Variants in PCDHAC1 observed in about 807,000 individuals in gnomAD.
PCDHAC1 encodes protocadherin alpha subfamily C, 1, also known as protocadherin alpha-C1.
Under a neutral mutation model 60.0 loss-of-function variants are expected in PCDHAC1, and 42 were observed. That is an observed-to-expected ratio of 0.70 (90% confidence interval 0.55 to 0.90). The LOEUF (loss-of-function observed/expected upper bound fraction) is 0.90. Ranked by LOEUF, PCDHAC1 falls within the 40% of genes least tolerant of loss-of-function variation. The pLI is 0.00. For synonymous variants in PCDHAC1, 468 were observed against 499.3 expected (o/e 0.94, Z 0.84); for missense variants, 1,160 against 1,222.3 (o/e 0.95, Z 0.76).
At chr5:140,933,863 A>G (rs2089469278) in intron 1 of PCDHAC1, among the ~76,000 whole-genome samples, 1 of 151,666 alleles carries the variant, frequency 6.6e-6, no homozygotes, top group Non-Finnish European at 1.5e-5. Context: ...ATTTTTTCAG[A>G]TATATGTTAG....
chr5:140,949,537 C>T (rs1359504503), intron 1 of PCDHAC1, among the ~76,000 whole-genome samples: 4 of 151,692 alleles, frequency 2.6e-5, no homozygotes, highest in African/African-American at 7.3e-5. Context: ...CATAAAATAT[C>T]GATTTGTTGC....
chr5:140,928,001 A>T lies in PCDHAC1; in HGVS notation c.1109A>T (p.Asp370Val), dbSNP rs1252162846. ...ALFSVKDEDLDSNGRVICGMS... is the reference protein window; with the variant it reads ...ALFSVKDEDLVSNGRVICGMS... ...TTTAGTGTAAAGGATGAAGACCTCG[A>T]TTCTAATGGTAGGGTCATTTGTGGC... Residue 370 changes from aspartate (D) to valine (V), a missense_variant, in exon 1 of 4, where the codon GAT becomes GTT. Asp to Val is a radical substitution (Grantham distance 152). Around this residue, in one of 3 missense-constraint regions of PCDHAC1, gnomAD observed 1,113 missense variants for 1,163.7 expected, o/e 0.96. Coordinates refer to ENST00000253807, the MANE Select transcript of PCDHAC1 (RefSeq NM_018898.5). 6.2e-7 allele frequency: 1 copy of T among 1,614,034 alleles called. No individual in the cohort carries two copies. The highest frequency in any genetic ancestry group is 8.5e-7 in the Non-Finnish European group (1 of 1,180,040).
At chr5:140,965,670 G>A (rs2095922284) in intron 1 of PCDHAC1, among the ~76,000 whole-genome samples, 1 of 152,144 alleles carries the variant, frequency 6.6e-6, no homozygotes, top group Non-Finnish European at 1.5e-5. Flanking sequence ...GGTGATAAAT[G>A]TAAAAGATTT....
chr5:140,927,243 C>A lies in PCDHAC1; in HGVS notation c.351C>A (p.Thr117=). ...AGATTCGGATTCACGTCCTGGACACCAATGACAACTCACCTCTCTTTCCTG... is the reference window on the plus strand; with the variant it reads ...AGATTCGGATTCACGTCCTGGACACAAATGACAACTCACCTCTCTTTCCTG... ...LHKIRIHVLD[T]NDNSPLFPAG... The change falls in exon 1 of 4, where the codon ACC becomes ACA. Residue 117 remains threonine (T), a synonymous_variant. Transcript: ENST00000253807. 6.2e-7 allele frequency: 1 copy of A among 1,614,132 alleles called. No homozygotes were observed.
chr5:140,978,974 G>T lies in PCDHAC1; in HGVS notation c.2459G>T (p.Arg820Leu). ...AMPRQPNPDW[R>L]YSASLRAGMH... is the part of the protein sequence containing the mutation. ...CCACGACAGCCCAACCCTGACTGGC[G>T]TTACTCTGCCTCCCTGAGAGCAGGC... Residue 820 changes from arginine to leucine, a missense_variant, in exon 2 of 4, where the codon CGT becomes CTT. Arg to Leu is a moderately radical substitution (Grantham distance 102, BLOSUM62 -2). Coordinates refer to ENST00000253807, the MANE Select transcript of PCDHAC1 (RefSeq NM_018898.5). 6.2e-7 allele frequency: 1 copy of T among 1,614,130 alleles called. No individual in the cohort carries two copies. Among genetic ancestry groups the T allele is most frequent in the East Asian group, 2.2e-5 (1 of 44,882 alleles).
chr5:140,985,236 C>G (rs1338808702), intron 3 of PCDHAC1, among the ~76,000 whole-genome samples: 1 of 152,184 alleles, frequency 6.6e-6, no homozygotes, highest in Admixed American at 6.5e-5. Context: ...CGCGCCTGGC[C>G]TAATCTTCTT....
At chr5:140,956,147 C>T (rs150480657) in intron 1 of PCDHAC1, among the ~76,000 whole-genome samples, 5,358 of 152,186 alleles carry the variant, frequency 0.035, 121 homozygotes, top group Non-Finnish European at 0.052. Context: ...ATTTCTTTCT[C>T]TTTCCTAATT....
In PCDHAC1 at chr5:140,927,196, G is replaced by A. The variant is rs781932405; in HGVS notation, c.304G>A (p.Glu102Lys). Residue 102 changes from glutamate (E) to lysine (K), a missense_variant, in exon 1 of 4, where the codon GAG becomes AAG. Glu to Lys is a moderately conservative substitution (Grantham distance 56). Around this residue, in one of 3 missense-constraint regions of PCDHAC1, gnomAD observed 1,113 missense variants for 1,163.7 expected, o/e 0.96. Coordinates refer to ENST00000253807, the MANE Select transcript of PCDHAC1 (RefSeq NM_018898.5). ...CGTCTTGACCTACGACCTGGTGCTC[G>A]AGGACCCGCTGGAGCTGCACAAGAT... The part of the protein sequence containing the change: ...ACVLTYDLVL[E>K]DPLELHKIRI... The A allele has an allele frequency of 5.6e-6, 9 of 1,614,028 alleles. No homozygotes were observed. In the South Asian group the frequency reaches 7.7e-5, roughly 14 times the overall value.
Position 141,011,490 on chromosome 5 carries a change from A to T in PCDHAC1, c.*1553A>T, listed in dbSNP as rs2098420792. On this transcript the variant is annotated 3_prime_UTR_variant, in exon 4 of 4. Transcript: ENST00000253807. ...GTAATTCCATTATATTTCCTTTTGT[A>T]CACCTGTGAAAAAGTGGAGTAGTGT... The T allele has an allele frequency of 1.3e-5, 2 of 153,734 alleles. No homozygotes were observed. The highest frequency in any genetic ancestry group is 2.9e-5 in the Non-Finnish European group (2 of 68,036). 9.5% of individuals were successfully genotyped at this position (153,734 alleles called of 1,614,324 possible). A position where few individuals can be genotyped will look rare whatever the true frequency, so the allele number is the denominator to read the frequency against.
chr5:141,010,377 G>A lies in PCDHAC1; in HGVS notation c.*440G>A. 1 of 1,444,554 alleles carries A rather than the reference G, an allele frequency of 6.9e-7. No individual in the cohort carries two copies. The highest frequency in any genetic ancestry group is 1.4e-5 in the South Asian group (1 of 71,996). The allele number at this position is 1,444,554 out of a possible 1,614,324, so 89.5% of individuals were successfully genotyped here. ...GGCTACCGCGGGTATGCGAGTGCCA[G>A]ATATTGGCTGAGACGAGCCAGCTTA... On this transcript the variant is annotated 3_prime_UTR_variant, in exon 4 of 4. Transcript: ENST00000253807.
Position 141,012,307 on chromosome 5 carries a change from T to G in PCDHAC1, c.*2370T>G, listed in dbSNP as rs369179929. ...CATTTTGAATTGGTGCTATTGGTAT[T>G]TCCTCTGTTATTGCTAATAAATGAA... On this transcript the variant is annotated 3_prime_UTR_variant, in exon 4 of 4. Transcript: ENST00000253807. 1 of 153,794 alleles carries G rather than the reference T, an allele frequency of 6.5e-6. No homozygotes were observed. The highest frequency in any genetic ancestry group is 1.5e-5 in the Non-Finnish European group (1 of 68,040). 9.5% of individuals were successfully genotyped at this position (153,794 alleles called of 1,614,324 possible).
chr5:141,006,680 G>A (rs1449792614), intron 3 of PCDHAC1, among the ~76,000 whole-genome samples: 5 of 152,036 alleles, frequency 3.3e-5, no homozygotes, highest in African/African-American at 1.2e-4. Flanking sequence ...AGTGAAAATT[G>A]GGAGAAGAGG....
intron 1 of PCDHAC1, among the ~76,000 whole-genome samples, chr5:140,977,783 T>TATATGA (rs1488853966): frequency 1.3e-5 from 2 of 152,252 alleles, no homozygotes; most frequent in African/African-American, 4.8e-5. Context: ...TTAAAGGAAC[T>TATATGA]ATATGAATGA....
intron 3 of PCDHAC1, among the ~76,000 whole-genome samples, chr5:141,001,895 G>T (rs1390745542): frequency 3.9e-5 from 6 of 152,208 alleles, no homozygotes; most frequent in Non-Finnish European, 8.8e-5. Context: ...AGAAATCGGG[G>T]CTGTTTGAAA....
intron 3 of PCDHAC1, among the ~76,000 whole-genome samples, chr5:140,991,807 C>T (rs782693963): frequency 4.6e-5 from 7 of 152,278 alleles, no homozygotes; most frequent in Admixed American, 6.5e-5. Context: ...AGGCCACTTC[C>T]GCATTTTTAG....
In PCDHAC1 at chr5:140,927,773, A is replaced by G. The variant is rs143568645; in HGVS notation, c.881A>G (p.Gln294Arg). ...GTGCACCCTAAAAGTGGGGAGGTGC[A>G]AGTAGCTGCTTCACTAGGTCCGCCT... is the stretch of plus-strand genomic sequence containing the variant. ...FHVHPKSGEVQVAASLGPPET... is the reference protein window; with the variant it reads ...FHVHPKSGEVRVAASLGPPET... Residue 294 changes from glutamine (Q) to arginine (R), a missense_variant, in exon 1 of 4, where the codon CAA (glutamine) becomes CGA (arginine). Coordinates refer to ENST00000253807, the MANE Select transcript of PCDHAC1 (RefSeq NM_018898.5). 201 of 1,614,196 alleles carry G rather than the reference A, an allele frequency of 1.2e-4. 4 individuals carry two copies. In the Middle Eastern group the frequency reaches 2.1e-3, roughly 17 times the overall value.
intron 1 of PCDHAC1, among the ~76,000 whole-genome samples, chr5:140,939,994 G>A (rs2092519687): frequency 6.6e-6 from 1 of 151,998 alleles, no homozygotes; most frequent in African/African-American, 2.4e-5. Flanking sequence ...TTTCTCCTTG[G>A]ATTTTGTCAA....
chr5:140,975,207 G>A (rs2096658071), intron 1 of PCDHAC1, among the ~76,000 whole-genome samples: 1 of 152,180 alleles, frequency 6.6e-6, no homozygotes. Flanking sequence ...CTTCATGGCT[G>A]GCACTGGAGA....
intron 1 of PCDHAC1, among the ~76,000 whole-genome samples, chr5:140,962,257 A>C (rs915555866): frequency 6.6e-6 from 1 of 152,174 alleles, no homozygotes; most frequent in Admixed American, 6.5e-5. Context: ...AATGAAAAAT[A>C]ATTTTATAAT....
Sources: gnomAD v4.1 joint callset for allele counts (sites outside exome capture counted in the v4.1 genomes callset) on GRCh38, gnomAD v4.1.1 for gene constraint, gnomAD v4.1.1 regional missense constraint, MANE v1.5 for transcripts, NCBI Gene and HGNC (gene_info 2026-07-23, HGNC 2026-07-21) for gene names.